The following ZSCAN5A variants were observed in gnomAD, a reference collection of about 807,000 sequenced individuals.
ZSCAN5A encodes zinc finger and SCAN domain containing 5A, also known as zinc finger and SCAN domain-containing protein 5A.
In ZSCAN5A, 12 loss-of-function variants were observed where a neutral mutation model predicts 23.7. That is an observed-to-expected ratio of 0.51 (90% CI 0.32 to 0.82). ZSCAN5A has a LOEUF of 0.82. Ranked by LOEUF, ZSCAN5A falls within the 40% of genes least tolerant of loss-of-function variation. The pLI, the probability that ZSCAN5A is intolerant of heterozygous loss-of-function variation, is 0.03. For synonymous variants in ZSCAN5A, 257 were observed against 239.9 expected (o/e 1.07, Z -0.66); for missense variants, 597 against 617.9 (o/e 0.97, Z 0.36).
chr19:56,344,594 A>C (rs1415712360), intron 2 of ZSCAN5A, among the ~76,000 whole-genome samples: 5 of 152,048 alleles, frequency 3.3e-5, no homozygotes, highest in Admixed American at 3.3e-4. Context: ...AACACGGAGA[A>C]ACCCCGTCTC....
chr19:56,244,378 C>T, intron 2 of ZSCAN5A: 2 of 1,569,082 alleles, frequency 1.3e-6, no homozygotes. Context: ...TGCAGAGCTG[C>T]AAAGACCTGG....
At chr19:56,259,246 T>C (rs759533448) in intron 2 of ZSCAN5A, among the ~76,000 whole-genome samples, 4 of 152,162 alleles carry the variant, frequency 2.6e-5, no homozygotes, top group African/African-American at 7.2e-5. Context: ...GGTCTTACCA[T>C]GTTGCCCAGG....
chr19:56,349,966 G>A lies in ZSCAN5A; in HGVS notation c.-358+13269C>T, dbSNP rs187222424. ...TCCCCAAAGGGACATGTTATGTCTT[G>A]GCAAGTAAAGTTTTAAATGAAAATT... On this transcript the variant is annotated intron_variant, in intron 2 of 6. Transcript: ENST00000587340. Among the ~76,000 whole-genome samples the A allele has an allele frequency of 2.3e-3, 352 of 152,104 alleles. 1 individual carries two copies. The highest frequency in any genetic ancestry group is 0.01 in the Middle Eastern group (3 of 294).
rs549413726 is a variant in ZSCAN5A at position 56,300,033 on chromosome 19, G to A, written c.-128+13250C>T. On this transcript the variant is annotated intron_variant, in intron 2 of 5. Coordinates refer to ENST00000683990, the MANE Select transcript of ZSCAN5A (RefSeq NM_001322064.3). ...AAGATGAGCCTCATTTTTTATAGAT[G>A]TGATTGTGTACCTTTGATTGGGAGG... The A allele has an allele frequency of 1.1e-3, 161 of 152,292 alleles. 1 individual carries two copies. Among genetic ancestry groups the A allele is most frequent in the African/African-American group, 3.7e-3 (155 of 41,550 alleles). The allele number at this position is 152,292 out of a possible 1,614,324, so 9.4% of individuals were successfully genotyped here.
In ZSCAN5A at chr19:56,313,585, G is replaced by T. The variant is rs565358413; in HGVS notation, c.-229-201C>A. Among the ~76,000 whole-genome samples the T allele has an allele frequency of 7.2e-5, 11 of 152,160 alleles. No homozygotes were observed. The South Asian group carries it at 2.1e-3, about 29-fold the overall frequency. ...CTCCGTAGGTAAGTTAGGCAAAAAT[G>T]ATGTATTTTATTTTGGTGGAACCCA... On this transcript the variant is annotated intron_variant, in intron 1 of 5. Transcript: ENST00000683990.
chr19:56,289,969 T>A (rs147369592), intron 2 of ZSCAN5A, among the ~76,000 whole-genome samples: 2 of 152,128 alleles, frequency 1.3e-5, no homozygotes, highest in African/African-American at 2.4e-5. Context: ...TTAGAAGGAG[T>A]TGAAGAAAAC....
At chr19:56,304,202 C>T (rs552393461) in intron 2 of ZSCAN5A, among the ~76,000 whole-genome samples, 2 of 152,084 alleles carry the variant, frequency 1.3e-5, no homozygotes, top group African/African-American at 2.4e-5. Context: ...GGGGACCTGG[C>T]GGTGCTCATG....
In ZSCAN5A at chr19:56,222,206, T is replaced by C. The variant is rs142298937; in HGVS notation, c.860A>G (p.Asn287Ser). 1.0e-4 allele frequency: 165 copies of C among 1,613,978 alleles called. No homozygotes were observed. In the African/African-American group the frequency reaches 1.2e-3, roughly 12 times the overall value. Residue 287 changes from asparagine to serine, a missense_variant, in exon 6 of 6, where the codon AAC (asparagine) becomes AGC (serine). Physicochemically the swap from Asn to Ser is conservative, Grantham distance 46. Coordinates refer to ENST00000683990, the MANE Select transcript of ZSCAN5A (RefSeq NM_001322064.3). ...VEREASTHSG[N>S]RGDALNLSSP... ...GCTCAGATTCAGAGCGTCTCCTCTG[T>C]TCCCGCTGTGAGTCGAAGCTTCTCT...
chr19:56,304,190 C>A (rs1004666853), intron 2 of ZSCAN5A, among the ~76,000 whole-genome samples: 12 of 152,174 alleles, frequency 7.9e-5, no homozygotes, highest in African/African-American at 2.9e-4. Context: ...CCAGCCAGCG[C>A]AGGGGACCTG....
Position 56,224,976 on chromosome 19 carries a change from C to T in ZSCAN5A, c.71G>A (p.Arg24Gln), listed in dbSNP as rs777612921. 1.5e-5 allele frequency: 25 copies of T among 1,613,970 alleles called. No individual in the cohort carries two copies. The African/African-American group carries it at 2.3e-4, about 15-fold the overall frequency. ...TTGAGTTTCTGAGGATGCCATAGACCGTGGCAGCTCCAACCCAGGTCTGTT... is the reference window on the plus strand; with the variant it reads ...TTGAGTTTCTGAGGATGCCATAGACTGTGGCAGCTCCAACCCAGGTCTGTT... ...SCNRPGLELP[R>Q]SMASSETQLG... The change falls in exon 3 of 6, where the codon CGG (arginine) becomes CAG (glutamine). Residue 24 changes from arginine to glutamine, a missense_variant. This residue lies in a region of ZSCAN5A where 72 missense variants were observed against 76.8 expected (regional missense o/e 0.94). Transcript: ENST00000683990.
intron 2 of ZSCAN5A, chr19:56,320,039 T>C: frequency 2.5e-6 from 2 of 813,102 alleles, no homozygotes; most frequent in Admixed American, 1.7e-5. Flanking sequence ...AATAAAGCCT[T>C]TCTGGTCTGC....
At chr19:56,259,032 T>C (rs1271441063) in intron 2 of ZSCAN5A, among the ~76,000 whole-genome samples, 1 of 152,016 alleles carries the variant, frequency 6.6e-6, no homozygotes, top group African/African-American at 2.4e-5. Flanking sequence ...GATCCAGCTC[T>C]AGTCAGCACA....
chr19:56,281,332 G>A (rs1165034802), intron 2 of ZSCAN5A, among the ~76,000 whole-genome samples: 2 of 147,862 alleles, frequency 1.4e-5, no homozygotes, highest in Admixed American at 1.4e-4. Context: ...GTTCAAACCT[G>A]TATTGTTCAA....
intron 2 of ZSCAN5A, among the ~76,000 whole-genome samples, chr19:56,260,310 G>GGAAAAAAAA (rs1316669737): frequency 1.4e-3 from 209 of 151,516 alleles, no homozygotes; most frequent in African/African-American, 3.9e-3. Context: ...CGCTTCCAGG[G>GGAAAAAAAA]TTCAAGCAAT....
At chr19:56,327,054 T>C (rs112143764) in intron 2 of ZSCAN5A, among the ~76,000 whole-genome samples, 19 of 145,652 alleles carry the variant, frequency 1.3e-4, no homozygotes, top group African/African-American at 5.2e-4. Flanking sequence ...ATAGAAAAGC[T>C]ACAGTGATTT....
intron 2 of ZSCAN5A, among the ~76,000 whole-genome samples, chr19:56,261,908 G>T (rs761562818): frequency 1.8e-4 from 27 of 152,150 alleles, no homozygotes; most frequent in Non-Finnish European, 2.9e-4. Flanking sequence ...TTTTACATAT[G>T]GATAGACGGA....
intron 2 of ZSCAN5A, among the ~76,000 whole-genome samples, chr19:56,302,558 TC>T (rs1164203036): frequency 0.014 from 399 of 29,234 alleles, 4 homozygotes; most frequent in African/African-American, 0.051. Context: ...CCTCCCTCCC[TC>T]CCCCCTTCCT....
In ZSCAN5A at chr19:56,340,557, TCAAA is replaced by T. The variant is rs567957026; in HGVS notation, c.-358+22674_-358+22677del. On this transcript the variant is annotated intron_variant, in intron 2 of 6. Coordinates refer to the ZSCAN5A transcript ENST00000587340. The stretch of plus-strand genomic sequence containing the variant: ...ATTTTTGGCTACAGCTAGAGAAATC[TCAAA>T]CAAACAAGCTTAATCAGGAAAGCTT... Among the ~76,000 whole-genome samples the T allele has an allele frequency of 6.5e-4, 99 of 152,356 alleles. 2 individuals are homozygous for T. Among genetic ancestry groups the T allele is most frequent in the African/African-American group, 2.3e-3 (94 of 41,596 alleles).
At chr19:56,349,581 T>A (rs1410018189) in intron 2 of ZSCAN5A, among the ~76,000 whole-genome samples, 1 of 151,514 alleles carries the variant, frequency 6.6e-6, no homozygotes, top group Non-Finnish European at 1.5e-5. Context: ...GGTGGGCGCC[T>A]GTAGTCCCAG....
Sources: allele counts gnomAD v4.1 joint callset (sites outside exome capture counted in the v4.1 genomes callset), GRCh38; gene constraint gnomAD v4.1.1; regional missense constraint gnomAD v4.1.1; transcripts MANE v1.5; gene names NCBI Gene and HGNC (gene_info 2026-07-23, HGNC 2026-07-21).